SPATS1: variants seen among roughly 807,000 people sequenced by gnomAD.
The protein encoded by SPATS1 is spermatogenesis-associated serine-rich protein 1.
A neutral mutation model predicts 33.6 loss-of-function variants in SPATS1; 23 were observed. The ratio of observed to expected loss-of-function variants is 0.68; its 90% CI spans 0.49 to 0.97. The LOEUF (loss-of-function observed/expected upper bound fraction) is 0.97. SPATS1 is among the 50% of genes least tolerant of loss of function. The pLI is 0.00. For missense variants in SPATS1, 327 were observed against 361.0 expected, an observed-to-expected ratio of 0.91 and a Z score of 0.76; for synonymous variants, 131 against 125.6, an observed-to-expected ratio of 1.04 and a Z score of -0.29.
chr6:44,342,994 C>G, intron 1 of SPATS1, 102 bp from the exon 2 acceptor site: 1 of 1,470,330 alleles, frequency 6.8e-7, no homozygotes, highest in African/African-American at 1.4e-5. Context: ...TCCTGACTTT[C>G]GGTGGCTTGT....
intron 3 of SPATS1, among the ~76,000 whole-genome samples, chr6:44,359,220 C>T (rs917192542): frequency 1.3e-5 from 2 of 152,056 alleles, no homozygotes; most frequent in African/African-American, 2.4e-5. Context: ...CTTGGCATCC[C>T]GAAATACTAA....
At chr6:44,357,272 A>G (rs185830078) in intron 3 of SPATS1, among the ~76,000 whole-genome samples, 87 of 152,208 alleles carry the variant, frequency 5.7e-4, no homozygotes, top group Middle Eastern at 3.4e-3. Context: ...CTGTGTTCAC[A>G]TATTGTAGAA....
At chr6:44,370,010 G>A (rs766762994) in intron 6 of SPATS1, 41 bp from the exon 7 acceptor site, 8 of 1,475,308 alleles carry the variant, frequency 5.4e-6, no homozygotes, top group Admixed American at 1.7e-5. Context: ...CTTTGCTGTA[G>A]ATGGCATACC....
At chr6:44,351,407 C>T (rs1340554010) in intron 2 of SPATS1, among the ~76,000 whole-genome samples, 1 of 152,088 alleles carries the variant, frequency 6.6e-6, no homozygotes, top group Admixed American at 6.6e-5. Context: ...AAAGATGACT[C>T]TATATGTGTG....
intron 3 of SPATS1, among the ~76,000 whole-genome samples, chr6:44,354,811 T>G (rs1007892153): frequency 2.6e-5 from 4 of 152,130 alleles, no homozygotes; most frequent in African/African-American, 9.7e-5. Context: ...TTGTAGTAGC[T>G]TCTCTATTTT....
chr6:44,344,040 G>A (rs147088689), intron 2 of SPATS1, among the ~76,000 whole-genome samples: 151 of 152,260 alleles, frequency 9.9e-4, no homozygotes, highest in African/African-American at 3.3e-3. Context: ...AGCTAGGACC[G>A]TAGAGAAGGA....
chr6:44,363,639 TTTCCTTCCTTCCTTCCCTCCTTCCCTCC>T (rs1789059882), intron 5 of SPATS1, among the ~76,000 whole-genome samples: 3 of 66,172 alleles, frequency 4.5e-5, no homozygotes, highest in Non-Finnish European at 9.6e-5. Context: ...TTTTTCTTTC[TTTCCTTCCTTCCTTCCCTCCTTCCCTCC>T]TTCCTTCCTT....
chr6:44,376,956 T>C (rs748693312), intron 8 of SPATS1, 79 bp from the exon 9 acceptor site: 5 of 1,536,990 alleles, frequency 3.3e-6, no homozygotes, highest in Middle Eastern at 1.7e-4. Flanking sequence ...TAGCCAAGCA[T>C]TGGGGGTCGA....
intron 6 of SPATS1, among the ~76,000 whole-genome samples, chr6:44,369,107 A>G (rs1200389945): frequency 6.6e-6 from 1 of 152,108 alleles, no homozygotes; most frequent in Non-Finnish European, 1.5e-5. Flanking sequence ...CATGTTAGCC[A>G]GGATGGTCTT....
intron 2 of SPATS1, among the ~76,000 whole-genome samples, chr6:44,344,284 T>C (rs191485973): frequency 6.6e-6 from 1 of 152,128 alleles, no homozygotes; most frequent in Admixed American, 6.5e-5. Flanking sequence ...TGGTGTCCTT[T>C]CCTGCTGTGT....
intron 3 of SPATS1, among the ~76,000 whole-genome samples, chr6:44,354,054 C>A (rs78368516): frequency 0.25 from 23,412 of 91,812 alleles, 2,424 homozygotes; most frequent in South Asian, 0.45. Context: ...AAAAAAAAAA[C>A]AAAAAAAAGT....
At chr6:44,376,953 G>A (rs569485070) in intron 8 of SPATS1, 82 bp from the exon 9 acceptor site, 1 of 1,526,896 alleles carries the variant, frequency 6.5e-7, no homozygotes, top group East Asian at 2.2e-5. Context: ...TCATAGCCAA[G>A]CATTGGGGGT....
Position 44,343,148 on chromosome 6 carries a change from C to T in SPATS1, c.53C>T (p.Ser18Phe), listed in dbSNP as rs538272131. The T allele has an allele frequency of 2.3e-5, 37 of 1,614,188 alleles. No homozygotes were observed. In the East Asian group the frequency reaches 7.1e-4, roughly 31 times the overall value. Reference protein sequence around the residue: ...GNSPRGCRLPSISSTTCGRQL... With the variant: ...GNSPRGCRLPFISSTTCGRQL... ...AGTCCACGGGGCTGCCGTCTCCCCTCCATCTCAAGCACGACCTGCGGCAGA... is the reference window on the plus strand; with the variant it reads ...AGTCCACGGGGCTGCCGTCTCCCCTTCATCTCAAGCACGACCTGCGGCAGA... The change falls in exon 2 of 9, where the codon TCC becomes TTC. Residue 18 changes from serine (S) to phenylalanine (F), a missense_variant. Physicochemically the swap from Ser to Phe is radical, Grantham distance 155. Transcript: ENST00000674044.
At chr6:44,353,820 G>A (rs1455141492) in intron 3 of SPATS1, among the ~76,000 whole-genome samples, 6 of 151,834 alleles carry the variant, frequency 4.0e-5, no homozygotes, top group Admixed American at 6.6e-5. Context: ...GGTGGATCAC[G>A]AGGTCAGGAG....
At chr6:44,369,629 T>C (rs965089464) in intron 6 of SPATS1, among the ~76,000 whole-genome samples, 1 of 152,112 alleles carries the variant, frequency 6.6e-6, no homozygotes, top group Non-Finnish European at 1.5e-5. Flanking sequence ...CCTAGCACTT[T>C]GGGAGGCTGA....
intron 2 of SPATS1, among the ~76,000 whole-genome samples, chr6:44,351,140 A>G (rs1326529680): frequency 5.5e-4 from 83 of 150,338 alleles, no homozygotes; most frequent in Middle Eastern, 3.4e-3. Context: ...AAAAAAAAAA[A>G]AAAAGAAAAA....
At chr6:44,354,426 T>C (rs539902341) in intron 3 of SPATS1, among the ~76,000 whole-genome samples, 123 of 152,228 alleles carry the variant, frequency 8.1e-4, no homozygotes, top group South Asian at 2.5e-3. Context: ...GATATTAGTT[T>C]TTTATATGTG....
At chr6:44,360,192 T>C (rs1286050516) in intron 3 of SPATS1, among the ~76,000 whole-genome samples, 2 of 152,238 alleles carry the variant, frequency 1.3e-5, no homozygotes, top group Non-Finnish European at 2.9e-5. Context: ...GGTCTCAAAC[T>C]CCTGGCCTCA....
chr6:44,343,222 GAGAGGACCTACAGTTGAGTTCTA>G lies in SPATS1; in HGVS notation c.131_139+14del, dbSNP rs1787670008. The G allele has an allele frequency of 6.2e-7, 1 of 1,613,864 alleles. No individual in the cohort carries two copies. The highest frequency in any genetic ancestry group is 1.7e-5 in the Admixed American group (1 of 59,976). ...AAGGGACTCTGGCATGACCGAGGTG[GAGAGGACCTACAGTTGAGTTCTA>G]AGAAATCCAGGCTGTGGAGTTGGTG... On this transcript the variant is annotated splice_donor_variant and splice_donor_5th_base_variant and coding_sequence_variant and intron_variant, in exon 2 of 9. Transcript: ENST00000674044. LOFTEE classifies it high-confidence loss of function.
Sources: gnomAD v4.1 joint callset for allele counts (sites outside exome capture counted in the v4.1 genomes callset) on GRCh38, gnomAD v4.1.1 for gene constraint, MANE v1.5 for transcripts, NCBI Gene and HGNC (gene_info 2026-07-23, HGNC 2026-07-21) for gene names.